The following CAPS2 variants were observed in gnomAD, a reference collection of about 807,000 sequenced individuals.
CAPS2 encodes calcyphosin-2.
A neutral mutation model predicts 86.5 loss-of-function variants in CAPS2; 98 were observed. The ratio of observed to expected loss-of-function variants is 1.13; its 90% CI spans 0.96 to 1.34. CAPS2 has a LOEUF of 1.34. Ranked by LOEUF, CAPS2 falls within the 40% of genes most tolerant of loss-of-function variation. CAPS2 has a pLI of 0.00. For synonymous variants in CAPS2, 210 were observed against 225.1 expected, an observed-to-expected ratio of 0.93 and a Z score of 0.60; for missense variants, 729 against 686.8, an observed-to-expected ratio of 1.06 and a Z score of -0.69.
intron 1 of CAPS2, chr12:75,370,105 A>G (rs755576011): frequency 6.2e-6 from 10 of 1,606,594 alleles, no homozygotes; most frequent in Non-Finnish European, 8.5e-6. Context: ...TCTGAAGCCA[A>G]CGGGGAGAGC....
intron 15 of CAPS2, among the ~76,000 whole-genome samples, chr12:75,284,608 AC>A (rs2138103485): frequency 6.6e-6 from 1 of 152,252 alleles, no homozygotes; most frequent in South Asian, 2.1e-4. Flanking sequence ...TTCAATCTTT[AC>A]ACCAACTCTG....
At chr12:75,288,011 T>C (rs2035200465) in intron 14 of CAPS2, among the ~76,000 whole-genome samples, 1 of 152,230 alleles carries the variant, frequency 6.6e-6, no homozygotes, top group Non-Finnish European at 1.5e-5. Context: ...CAGCTTGGTA[T>C]GGGTGGAACC....
chr12:75,351,549 T>C (rs932009663), intron 1 of CAPS2, among the ~76,000 whole-genome samples: 3 of 135,810 alleles, frequency 2.2e-5, no homozygotes, highest in South Asian at 4.2e-4. Flanking sequence ...TGTTTTGTTT[T>C]GTTTTTTTTT....
exon 17 of CAPS2, chr12:75,278,999 G>C: frequency 6.2e-7 from 1 of 1,610,748 alleles, no homozygotes; most frequent in South Asian, 1.1e-5. Flanking sequence ...CACTTCATCA[G>C]ACTTGCTGCA....
chr12:75,279,118 A>G (rs2033422979), intron 16 of CAPS2, 53 bp from the exon 17 acceptor site: 2 of 1,356,486 alleles, frequency 1.5e-6, no homozygotes, highest in Admixed American at 5.4e-5. Context: ...CAGTGAAATG[A>G]CTGATGATGA....
chr12:75,276,088 C>A, downstream of CAPS2: 1 of 1,019,030 alleles, frequency 9.8e-7, no homozygotes, highest in Admixed American at 3.8e-5. Context: ...ACAAGAGCCT[C>A]TTCTCATGAT....
chr12:75,333,442 A>T (rs559827391), upstream of CAPS2, among the ~76,000 whole-genome samples: 1 of 151,846 alleles, frequency 6.6e-6, no homozygotes, highest in South Asian at 2.1e-4. Flanking sequence ...CTACACACAC[A>T]CATATACACA....
chr12:75,316,320 A>G, exon 6 of CAPS2: 2 of 1,550,578 alleles, frequency 1.3e-6, no homozygotes, highest in Non-Finnish European at 1.7e-6. Context: ...ACTGCATCCA[A>G]TTTTCTTGCC....
Position 75,291,728 on chromosome 12 carries a change from C to A in CAPS2, c.1240+16G>T. On this transcript the variant is annotated intron_variant, in intron 13 of 16. Transcript: ENST00000393284. ...TGAAAATTCAAAGTACTTGAGAGTA[C>A]AGTAATAACACATACCTTGAATTGC... 1 of 1,398,640 alleles carries A rather than the reference C, an allele frequency of 7.1e-7. No homozygotes were observed. Among genetic ancestry groups the A allele is most frequent in the Non-Finnish European group, 9.7e-7 (1 of 1,028,818 alleles). The allele number at this position is 1,398,640 out of a possible 1,614,324, so 86.6% of individuals were successfully genotyped here.
chr12:75,381,868 T>C lies in CAPS2; in HGVS notation c.-395+8970A>G, dbSNP rs531778479. 5.9e-4 allele frequency among the ~76,000 whole-genome samples: 90 copies of C among 152,146 alleles called. 1 individual carries two copies. The highest frequency in any genetic ancestry group is 2.1e-3 in the African/African-American group (87 of 41,508). On this transcript the variant is annotated intron_variant, in intron 1 of 5. Coordinates refer to the CAPS2 transcript ENST00000551829. ...GACCTCGTGATCTGCCCACCTCGGC[T>C]GCCCAAAGTGCTGGGATTACAGGCA... is the stretch of plus-strand genomic sequence containing the variant.
upstream of CAPS2, chr12:75,334,760 G>C (rs1204792609): frequency 6.2e-7 from 1 of 1,614,038 alleles, no homozygotes; most frequent in East Asian, 2.2e-5. Flanking sequence ...AGTTGTTTAT[G>C]GATCTTGGGT....
Position 75,343,712 on chromosome 12 carries a change from C to T in CAPS2, c.-394-20490G>A, listed in dbSNP as rs780835638. The stretch of plus-strand genomic sequence containing the variant: ...TTTCAGATTTGGGATAAAGGTTTAG[C>T]AAAGATGGCTAAAGCATGGGCAAAC... On this transcript the variant is annotated intron_variant, in intron 1 of 5. Transcript: ENST00000551829. The T allele has an allele frequency of 2.5e-6, 4 of 1,609,002 alleles. No homozygotes were observed. Among genetic ancestry groups the T allele is most frequent in the South Asian group, 1.1e-5 (1 of 90,324 alleles).
chr12:75,338,710 C>G (rs966001125), intron 1 of CAPS2, among the ~76,000 whole-genome samples: 13 of 152,078 alleles, frequency 8.5e-5, no homozygotes, highest in Non-Finnish European at 1.6e-4. Flanking sequence ...ACGTATTAAG[C>G]CCAGCATCTA....
chr12:75,280,361 A>G (rs2033706373), intron 16 of CAPS2, among the ~76,000 whole-genome samples: 1 of 151,862 alleles, frequency 6.6e-6, no homozygotes, highest in African/African-American at 2.4e-5. Flanking sequence ...ATACAGTGAC[A>G]AGTTTTCTTC....
At chr12:75,347,229 AAAAC>A (rs1473014657) in intron 1 of CAPS2, among the ~76,000 whole-genome samples, 1 of 152,138 alleles carries the variant, frequency 6.6e-6, no homozygotes, top group Non-Finnish European at 1.5e-5. Flanking sequence ...TTTTCTGAGA[AAAAC>A]AAATAAATGT....
At chr12:75,295,188 A>C (rs955741529) in intron 11 of CAPS2, 2 of 152,246 alleles carry the variant, frequency 1.3e-5, no homozygotes, top group Non-Finnish European at 2.9e-5. Context: ...AAACTGAAAA[A>C]AGATTTCTCA....
chr12:75,314,023 G>T (rs2039495412), intron 6 of CAPS2, among the ~76,000 whole-genome samples: 1 of 152,060 alleles, frequency 6.6e-6, no homozygotes, highest in Non-Finnish European at 1.5e-5. Flanking sequence ...AGATTCAAGT[G>T]ATTCTCATGC....
upstream of CAPS2, among the ~76,000 whole-genome samples, chr12:75,326,765 A>G (rs983985151): frequency 3.3e-5 from 5 of 152,200 alleles, no homozygotes; most frequent in African/African-American, 1.2e-4. Flanking sequence ...ACCACCTTAC[A>G]TGGCAAAAAG....
upstream of CAPS2, chr12:75,334,931 A>C (rs759285435): frequency 7.5e-6 from 12 of 1,594,552 alleles, no homozygotes; most frequent in Admixed American, 5.1e-5. Context: ...TGGGCTCTTA[A>C]ATCCCTGACT....
Sources: allele counts gnomAD v4.1 joint callset (sites outside exome capture counted in the v4.1 genomes callset), GRCh38; gene constraint gnomAD v4.1.1; transcripts MANE v1.5; gene names NCBI Gene and HGNC (gene_info 2026-07-23, HGNC 2026-07-21).